ZNF454: variants seen among roughly 807,000 people sequenced by gnomAD.
ZNF454 encodes the protein zinc finger protein 454.
In ZNF454, 30 loss-of-function variants were observed where a neutral mutation model predicts 48.2. The ratio of observed to expected loss-of-function variants is 0.62; its 90% CI spans 0.47 to 0.84. ZNF454 has a LOEUF of 0.84. Ranked by LOEUF, ZNF454 falls within the 40% of genes least tolerant of loss-of-function variation. The probability of loss-of-function intolerance (pLI) is 0.00; values close to 1 mark genes in which losing one functional copy is unlikely to be tolerated. For synonymous variants in ZNF454, 204 were observed against 211.4 expected (o/e 0.97, Z 0.30); for missense variants, 510 against 623.1 (o/e 0.82, Z 1.93).
At chr5:178,975,850 C>G in the ZNF454 span, among the ~76,000 whole-genome samples, 2 of 152,150 alleles carry the variant, frequency 1.3e-5, no homozygotes. Context: ...AGATTTACCC[C>G]CAATCATCTG....
intron 4 of ZNF454, among the ~76,000 whole-genome samples, chr5:178,957,711 T>C (rs914361131): frequency 1.3e-5 from 2 of 152,194 alleles, no homozygotes; most frequent in Non-Finnish European, 2.9e-5. Flanking sequence ...CCAGTGAGTG[T>C]GCCTGAGTTG....
chr5:178,985,331 A>G, the ZNF454 span: 2 of 452,010 alleles, frequency 4.4e-6, no homozygotes, highest in Admixed American at 2.4e-5. Flanking sequence ...TCCTTCAAGG[A>G]CCCAGCAGGG....
chr5:178,965,056 T>C lies in ZNF454; in HGVS notation c.652T>C (p.Cys218Arg), dbSNP rs966509217. The change falls in exon 5 of 5, where the codon TGT becomes CGT. Residue 218 changes from cysteine to arginine, a missense_variant. Transcript: ENST00000519564. This position sits in a 1 kb window ranked among gnomAD's most constrained non-coding sequence, Gnocchi z 5.2. ...KIHIKEKRYE[C>R]RECGKAFHQS... ...TCATATTAAGGAGAAAAGATATGAA[T>C]GTAGAGAATGTGGGAAAGCCTTTCA... 3.1e-6 allele frequency: 5 copies of C among 1,614,042 alleles called. No homozygotes were observed. The highest frequency in any genetic ancestry group is 2.7e-5 in the African/African-American group (2 of 74,916).
chr5:178,982,667 A>G, the ZNF454 span: 4 of 470,770 alleles, frequency 8.5e-6, no homozygotes, highest in East Asian at 6.9e-5. Context: ...GAGTGAGGCA[A>G]TATCTCTCAA....
chr5:178,972,800 G>A, the ZNF454 span, among the ~76,000 whole-genome samples: 2 of 152,090 alleles, frequency 1.3e-5, no homozygotes, highest in African/African-American at 2.4e-5. Flanking sequence ...GGGAAGGGCA[G>A]GCGGAGTGCT....
At chr5:178,973,898 A>G in the ZNF454 span, among the ~76,000 whole-genome samples, 1 of 151,770 alleles carries the variant, frequency 6.6e-6, no homozygotes, top group Admixed American at 6.6e-5. Flanking sequence ...ATCCATTTAT[A>G]TTACTTCTGC....
intron 4 of ZNF454, among the ~76,000 whole-genome samples, chr5:178,947,937 C>T (rs991336622): frequency 1.1e-4 from 16 of 151,986 alleles, no homozygotes; most frequent in African/African-American, 2.4e-4. Context: ...TTTTTTGAGA[C>T]GGAGCCTCGC....
At chr5:178,969,931 CCCCTCATCTCCAGCTGA>C (rs1470363772), downstream of ZNF454, among the ~76,000 whole-genome samples, 2 of 152,154 alleles carry the variant, frequency 1.3e-5, no homozygotes, top group East Asian at 3.9e-4. Context: ...CTGCCGGGTG[CCCCTCATCTCCAGCTGA>C]CTGATTTGTC....
At chr5:178,989,350 C>G in the ZNF454 span, 1 of 1,613,854 alleles carries the variant, frequency 6.2e-7, no homozygotes, top group Non-Finnish European at 8.5e-7. Context: ...ACTCGGCGAA[C>G]CAGATGTTCC....
At chr5:178,986,570 T>G in the ZNF454 span, 1 of 1,607,634 alleles carries the variant, frequency 6.2e-7, no homozygotes, top group Non-Finnish European at 8.5e-7. Flanking sequence ...GTGGGCCTCA[T>G]GTCCCCAGGA....
the ZNF454 span, chr5:178,986,796 T>C: frequency 6.2e-7 from 1 of 1,612,326 alleles, no homozygotes; most frequent in Non-Finnish European, 8.5e-7. Flanking sequence ...GCCTCCGGGA[T>C]CCTGGGCCCA....
At chr5:178,986,899 C>T in the ZNF454 span, 2 of 1,614,190 alleles carry the variant, frequency 1.2e-6, no homozygotes, top group African/African-American at 1.3e-5. Context: ...GCTGGCACTG[C>T]CATTGGTCGC....
the ZNF454 span, chr5:178,980,136 G>A: frequency 6.5e-6 from 1 of 154,332 alleles, no homozygotes. This position sits in a 1 kb window ranked among gnomAD's most constrained non-coding sequence, Gnocchi z 4.3. Flanking sequence ...AAAACCAACT[G>A]CGCACCAGAG....
chr5:178,952,775 C>G (rs1267421798), intron 4 of ZNF454, among the ~76,000 whole-genome samples: 2 of 151,454 alleles, frequency 1.3e-5, no homozygotes, highest in African/African-American at 4.9e-5. Context: ...TAAATGTTGT[C>G]AAAAGTTTGT....
intron 4 of ZNF454, among the ~76,000 whole-genome samples, chr5:178,955,637 C>T (rs1759718073): frequency 6.6e-6 from 1 of 152,120 alleles, no homozygotes; most frequent in Admixed American, 6.5e-5. Flanking sequence ...TCTATAGTTT[C>T]CTTTCCTTAT....
At chr5:178,957,858 A>C (rs1759839635) in intron 4 of ZNF454, among the ~76,000 whole-genome samples, 1 of 152,202 alleles carries the variant, frequency 6.6e-6, no homozygotes, top group Non-Finnish European at 1.5e-5. Flanking sequence ...CCTCTTGGTA[A>C]ACTCTATTTG....
the ZNF454 span, among the ~76,000 whole-genome samples, chr5:178,977,171 C>G: frequency 6.6e-6 from 1 of 152,246 alleles, no homozygotes; most frequent in South Asian, 2.1e-4. Flanking sequence ...AGTATTCTGA[C>G]AGAATAATTG....
At chr5:178,959,231 C>T (rs1378013428) in intron 4 of ZNF454, among the ~76,000 whole-genome samples, 7 of 152,088 alleles carry the variant, frequency 4.6e-5, no homozygotes, top group African/African-American at 1.7e-4. Flanking sequence ...ACTGCCTTTT[C>T]CCCCATTGTA....
the ZNF454 span, chr5:178,983,081 C>T: frequency 6.2e-7 from 1 of 1,614,154 alleles, no homozygotes. Flanking sequence ...GGCTGTAGCC[C>T]AGGCAGCCGA....
Sources: gnomAD v4.1 joint callset for allele counts (sites outside exome capture counted in the v4.1 genomes callset) on GRCh38, gnomAD v4.1.1 for gene constraint, Gnocchi (gnomAD v3.1) non-coding constraint, MANE v1.5 for transcripts, NCBI Gene and HGNC (gene_info 2026-07-23, HGNC 2026-07-21) for gene names.